The following TFDP2 variants were observed in gnomAD, a reference collection of about 807,000 sequenced individuals.
TFDP2 encodes transcription factor Dp-2.
In TFDP2, 17 loss-of-function variants were observed where a neutral mutation model predicts 59.3. The ratio of observed to expected loss-of-function variants is 0.29; its 90% CI spans 0.20 to 0.43. TFDP2 has a LOEUF of 0.43. Among genes scored for constraint, TFDP2 ranks in the 20% least tolerant of loss-of-function variants. TFDP2 has a pLI of 1.00. For missense variants in TFDP2, 391 were observed against 528.8 expected (o/e 0.74, Z 2.56); for synonymous variants, 180 against 194.7 (o/e 0.92, Z 0.63).
At chr3:142,072,144 CAA>C (rs1196534428) in intron 3 of TFDP2, among the ~76,000 whole-genome samples, 5 of 152,216 alleles carry the variant, frequency 3.3e-5, no homozygotes, top group South Asian at 2.1e-4. Flanking sequence ...ATATTATAAA[CAA>C]GAGAAAAAAG....
chr3:142,005,425 T>A lies in TFDP2; in HGVS notation c.186+16A>T, dbSNP rs1357830834. On this transcript the variant is annotated intron_variant, in intron 4 of 12. Transcript: ENST00000489671. ...CTAAACAAAGTTTCAATTCTAAGAT[T>A]TGATAATTTTCTTACCATTTGGGGT... The A allele has an allele frequency of 1.9e-6, 3 of 1,547,134 alleles. No homozygotes were observed. Among genetic ancestry groups the A allele is most frequent in the Non-Finnish European group, 1.8e-6 (2 of 1,126,666 alleles).
chr3:142,026,705 A>G (rs1415051083), intron 3 of TFDP2, among the ~76,000 whole-genome samples: 1 of 152,230 alleles, frequency 6.6e-6, no homozygotes, highest in East Asian at 1.9e-4. Context: ...TGTTACTTGT[A>G]AAAGGAAAGG....
At chr3:141,969,026 TATATCTCATATATAGATATATATATAAC>T (rs1939031945) in intron 9 of TFDP2, among the ~76,000 whole-genome samples, 2 of 93,738 alleles carry the variant, frequency 2.1e-5, no homozygotes, top group African/African-American at 7.9e-5. Flanking sequence ...ATATATAACA[TATATCTCATATATAGATATATATATAAC>T]ATATATATCT....
At chr3:142,114,185 T>A (rs943333656) in intron 1 of TFDP2, among the ~76,000 whole-genome samples, 32 of 151,602 alleles carry the variant, frequency 2.1e-4, no homozygotes, top group African/African-American at 7.7e-4. Flanking sequence ...AAAGGTATAG[T>A]TATCTCCATT....
chr3:142,060,626 A>AG (rs1560099806), intron 3 of TFDP2, among the ~76,000 whole-genome samples: 2 of 152,062 alleles, frequency 1.3e-5, no homozygotes, highest in East Asian at 3.8e-4. Flanking sequence ...GTGTGTGTGG[A>AG]GGGGGGCAGT....
intron 1 of TFDP2, among the ~76,000 whole-genome samples, chr3:142,145,258 G>A (rs2063127313): frequency 6.6e-6 from 1 of 152,126 alleles, no homozygotes; most frequent in African/African-American, 2.4e-5. Flanking sequence ...CACAGCTGTT[G>A]GCAATCATTT....
chr3:142,075,949 G>A (rs1447606414), intron 3 of TFDP2, among the ~76,000 whole-genome samples: 1 of 146,310 alleles, frequency 6.8e-6, no homozygotes, highest in South Asian at 2.1e-4. Flanking sequence ...GGTGGCTCAC[G>A]CCTGTAGTCC....
At chr3:141,990,877 T>G (rs888073760) in intron 6 of TFDP2, among the ~76,000 whole-genome samples, 1 of 152,016 alleles carries the variant, frequency 6.6e-6, no homozygotes, top group Admixed American at 6.6e-5. Flanking sequence ...GCTAACACGG[T>G]GAAACCCCGT....
chr3:141,953,030 T>A lies in TFDP2; in HGVS notation c.1052-14A>T, dbSNP rs763850653. On this transcript the variant is annotated splice_polypyrimidine_tract_variant and intron_variant, in intron 11 of 12. Transcript: ENST00000489671. ...CTGTGGAGATATCTAAAGGAAAAAA[T>A]GAGAACAAAAAATGTCGGTCCTGCA... The A allele has an allele frequency of 6.3e-7, 1 of 1,598,558 alleles. No homozygotes were observed. The highest frequency in any genetic ancestry group is 1.7e-5 in the Admixed American group (1 of 59,380).
intron 6 of TFDP2, among the ~76,000 whole-genome samples, chr3:141,985,504 A>G (rs1576580873): frequency 7.4e-6 from 1 of 134,890 alleles, no homozygotes; most frequent in Non-Finnish European, 1.5e-5. Context: ...TGGGAGACAG[A>G]GCAAGACGCT....
At chr3:141,978,977 G>GA (rs778644718) in intron 6 of TFDP2, among the ~76,000 whole-genome samples, 1 of 152,124 alleles carries the variant, frequency 6.6e-6, no homozygotes. Flanking sequence ...ATAAGTCAGT[G>GA]AAAAAACACA....
At chr3:141,976,455 T>C (rs911267257) in intron 7 of TFDP2, among the ~76,000 whole-genome samples, 2 of 152,118 alleles carry the variant, frequency 1.3e-5, no homozygotes, top group Admixed American at 1.3e-4. Context: ...GTGGTGGTGA[T>C]AGGGTATTAG....
intron 3 of TFDP2, among the ~76,000 whole-genome samples, chr3:142,078,809 C>T (rs576875789): frequency 6.6e-6 from 1 of 152,192 alleles, no homozygotes; most frequent in South Asian, 2.1e-4. Flanking sequence ...CTAAGTAAGA[C>T]ACCAGTAACC....
At chr3:141,957,640 G>A (rs1403309681) in intron 11 of TFDP2, among the ~76,000 whole-genome samples, 1 of 152,042 alleles carries the variant, frequency 6.6e-6, no homozygotes, top group Non-Finnish European at 1.5e-5. Context: ...GCAATAAAGA[G>A]GAATGAAATA....
At chr3:141,969,292 G>T (rs1439769807) in intron 9 of TFDP2, among the ~76,000 whole-genome samples, 2 of 120,750 alleles carry the variant, frequency 1.7e-5, no homozygotes, top group African/African-American at 3.3e-5. Context: ...ATATATAACC[G>T]GCCTAAATTT....
intron 1 of TFDP2, among the ~76,000 whole-genome samples, chr3:142,138,166 G>T (rs1290937442): frequency 1.3e-5 from 2 of 152,156 alleles, no homozygotes; most frequent in Non-Finnish European, 2.9e-5. Context: ...TTGCGTAGAG[G>T]TGTTTATAGT....
intron 4 of TFDP2, among the ~76,000 whole-genome samples, chr3:141,998,043 C>T (rs1049053963): frequency 6.6e-6 from 1 of 152,062 alleles, no homozygotes; most frequent in South Asian, 2.1e-4. Flanking sequence ...CAACACTCTG[C>T]TCCTTTCTCT....
chr3:142,097,240 C>T (rs2061190026), intron 2 of TFDP2, among the ~76,000 whole-genome samples: 1 of 152,104 alleles, frequency 6.6e-6, no homozygotes, highest in South Asian at 2.1e-4. Flanking sequence ...AAAAATTATA[C>T]ACACTTTGGC....
rs1364312924 is a variant in TFDP2, at chr3:141,995,077, G to A, written c.251C>T (p.Pro84Leu). Residue 84 changes from proline to leucine, a missense_variant, in exon 5 of 13, where the codon CCT (proline) becomes CTT (leucine). Transcript: ENST00000489671. ...TGTCTGAGTAACCATTGCTGGTGCAGGGGTATATGGACTCCCAATCAGAAC... is the reference window on the plus strand; with the variant it reads ...TGTCTGAGTAACCATTGCTGGTGCAAGGGTATATGGACTCCCAATCAGAAC... The part of the protein sequence containing the change: ...GSVLIGSPYT[P>L]APAMVTQTHI... 6.2e-7 allele frequency: 1 copy of A among 1,611,338 alleles called. No individual in the cohort carries two copies. Among genetic ancestry groups the A allele is most frequent in the African/African-American group, 1.3e-5 (1 of 74,958 alleles).
Sources: gnomAD v4.1 joint callset for allele counts (sites outside exome capture counted in the v4.1 genomes callset) on GRCh38, gnomAD v4.1.1 for gene constraint, MANE v1.5 for transcripts, NCBI Gene and HGNC (gene_info 2026-07-23, HGNC 2026-07-21) for gene names.